The following TESK2 variants were observed in gnomAD, a reference collection of about 807,000 sequenced individuals.
TESK2 encodes dual specificity testis-specific protein kinase 2.
Under a neutral mutation model 57.1 loss-of-function variants are expected in TESK2, and 39 were observed. That is an observed-to-expected ratio of 0.68 (90% CI 0.53 to 0.89). TESK2 has a LOEUF of 0.89. Among genes scored for constraint, TESK2 ranks in the 40% least tolerant of loss-of-function variants. The pLI is 0.00. For synonymous variants in TESK2, 249 were observed against 267.9 expected (o/e 0.93, Z 0.69); for missense variants, 646 against 732.1 (o/e 0.88, Z 1.36).
Position 45,457,840 on chromosome 1 carries a change from T to C in TESK2, c.-55A>G. On this transcript the variant is annotated 5_prime_UTR_variant, in exon 2 of 11. Transcript: ENST00000372086. ...AAGAAGGAACTCCACACATAAATTT[T>C]TGTTGAATTTTACTTCTCTTCTGGT... 5 of 1,516,298 alleles carry C rather than the reference T, an allele frequency of 3.3e-6. No individual in the cohort carries two copies. The highest frequency in any genetic ancestry group is 1.2e-5 in the South Asian group (1 of 86,214). The allele number at this position is 1,516,298 out of a possible 1,614,324, so 93.9% of individuals were successfully genotyped here.
chr1:45,384,341 AT>A lies in TESK2; in HGVS notation c.393+1570del, dbSNP rs112806836. Among the ~76,000 whole-genome samples the A allele has an allele frequency of 4.0e-4, 60 of 151,150 alleles. No individual in the cohort carries two copies. The East Asian group carries it at 0.01, about 26-fold the overall frequency. ...TCTCACTCTATGTATGTATGTATGT[AT>A]GTATGTATGTATGTACGTACGTATC... On this transcript the variant is annotated intron_variant, in intron 4 of 10. Transcript: ENST00000372086.
chr1:45,345,553 A>G lies in TESK2; in HGVS notation c.1003T>C (p.Leu335=). ...CGCTTCACCCCAGGTGCTTTCTCCA[A>G]GAGTCCTGAAGAATAATCAAGTCTG... ...RKLQPTARGL[L]EKAPGVKRLS... The change falls in exon 11 of 11, where the codon TTG becomes CTG. Residue 335 remains leucine, a synonymous_variant. Transcript: ENST00000372086. 1.2e-6 allele frequency: 2 copies of G among 1,612,238 alleles called. No individual in the cohort carries two copies. Among genetic ancestry groups the G allele is most frequent in the South Asian group, 2.2e-5 (2 of 90,968 alleles).
intron 1 of TESK2, among the ~76,000 whole-genome samples, chr1:45,478,347 A>ATAG (rs1169190486): frequency 6.6e-5 from 10 of 152,178 alleles, no homozygotes; most frequent in African/African-American, 2.4e-4. Flanking sequence ...TAGTCATCAT[A>ATAG]TAGTATTTTA....
At chr1:45,355,656 T>C (rs1403924600) in intron 4 of TESK2, among the ~76,000 whole-genome samples, 1 of 152,110 alleles carries the variant, frequency 6.6e-6, no homozygotes, top group African/African-American at 2.4e-5. Flanking sequence ...AGGGACATAG[T>C]CAAACAATAT....
intron 2 of TESK2, among the ~76,000 whole-genome samples, chr1:45,433,810 A>G (rs1161622766): frequency 6.6e-6 from 1 of 152,092 alleles, no homozygotes; most frequent in East Asian, 1.9e-4. Context: ...CACTAATGAG[A>G]TTGCTGGATC....
intron 4 of TESK2, among the ~76,000 whole-genome samples, chr1:45,369,446 T>C (rs933358985): frequency 2.4e-4 from 37 of 151,868 alleles, no homozygotes; most frequent in African/African-American, 9.0e-4. Context: ...TTAGCCGAGA[T>C]TGCACCACTG....
intron 2 of TESK2, among the ~76,000 whole-genome samples, chr1:45,447,872 C>T (rs1333552338): frequency 6.6e-6 from 1 of 152,062 alleles, no homozygotes; most frequent in Non-Finnish European, 1.5e-5. Context: ...ATTTTATATG[C>T]AGTCCATCAT....
intron 5 of TESK2, among the ~76,000 whole-genome samples, chr1:45,354,498 C>A (rs1050905163): frequency 2.6e-5 from 4 of 151,736 alleles, no homozygotes; most frequent in African/African-American, 9.7e-5. Flanking sequence ...TGATGGCAGG[C>A]GTCTGTAATC....
At chr1:45,377,017 C>T (rs942177065) in intron 4 of TESK2, among the ~76,000 whole-genome samples, 6 of 151,948 alleles carry the variant, frequency 3.9e-5, no homozygotes, top group Non-Finnish European at 8.8e-5. Flanking sequence ...GTCAGGAGTT[C>T]GAGACCAGCC....
intron 1 of TESK2, among the ~76,000 whole-genome samples, chr1:45,480,285 C>T (rs1001405912): frequency 4.6e-5 from 7 of 151,212 alleles, no homozygotes; most frequent in African/African-American, 1.7e-4. Flanking sequence ...AGGGTGAAAC[C>T]CCATCTCTAT....
intron 10 of TESK2, 119 bp downstream of exon 10, chr1:45,345,758 T>C: frequency 1.1e-6 from 1 of 935,364 alleles, no homozygotes; most frequent in Non-Finnish European, 1.7e-6. Flanking sequence ...ATCATCTCCT[T>C]CCCCTCCCAT....
chr1:45,432,979 G>A (rs982612066), intron 2 of TESK2, among the ~76,000 whole-genome samples: 1 of 150,194 alleles, frequency 6.7e-6, no homozygotes, highest in Non-Finnish European at 1.5e-5. Flanking sequence ...GCCCAGGCTG[G>A]TCTCAAACTC....
rs1386290670 is a variant in TESK2 at position 45,344,571 on chromosome 1, A to T, written c.*269T>A. 1 of 439,130 alleles carries T rather than the reference A, an allele frequency of 2.3e-6. No individual in the cohort carries two copies. Among genetic ancestry groups the T allele is most frequent in the Non-Finnish European group, 4.1e-6 (1 of 241,320 alleles). 27.2% of individuals were successfully genotyped at this position (439,130 alleles called of 1,614,324 possible). ...GACATCCTCTGGTCCTATCTGGGGA[A>T]GTACACTGGAGAGGGTCTGGTGGGA... On this transcript the variant is annotated 3_prime_UTR_variant, in exon 11 of 11. Transcript: ENST00000372086.
intron 4 of TESK2, among the ~76,000 whole-genome samples, chr1:45,360,133 A>G (rs1377566836): frequency 3.3e-5 from 5 of 152,168 alleles, no homozygotes; most frequent in Non-Finnish European, 5.9e-5. Flanking sequence ...AAAATAAGGC[A>G]TAATGACGGC....
At chr1:45,473,762 G>C (rs1014337672) in intron 1 of TESK2, among the ~76,000 whole-genome samples, 9 of 151,118 alleles carry the variant, frequency 6.0e-5, no homozygotes, top group South Asian at 2.1e-4. Flanking sequence ...GCTAGATCCT[G>C]ATTTGAACAA....
In TESK2 at chr1:45,466,269, G is replaced by T. The variant is rs189280442; in HGVS notation, c.-86-8398C>A. Among the ~76,000 whole-genome samples, 161 of 152,284 alleles carry T rather than the reference G, an allele frequency of 1.1e-3. 1 individual carries two copies. The highest frequency in any genetic ancestry group is 3.7e-3 in the African/African-American group (152 of 41,552). On this transcript the variant is annotated intron_variant, in intron 1 of 10. Coordinates refer to ENST00000372086, the MANE Select transcript of TESK2 (RefSeq NM_007170.3). ...AGGCAGGCAGATCACAAGGTCAAGAGATCGAGACCATCCTGGCCAACATGG... is the reference window on the plus strand; with the variant it reads ...AGGCAGGCAGATCACAAGGTCAAGATATCGAGACCATCCTGGCCAACATGG...
At chr1:45,449,649 T>C (rs1365813316) in intron 2 of TESK2, among the ~76,000 whole-genome samples, 2 of 152,166 alleles carry the variant, frequency 1.3e-5, no homozygotes, top group East Asian at 3.9e-4. Context: ...AGGTGTTTCT[T>C]TAACCACTGA....
chr1:45,470,353 G>A (rs1652711838), intron 1 of TESK2, among the ~76,000 whole-genome samples: 1 of 152,114 alleles, frequency 6.6e-6, no homozygotes, highest in Admixed American at 6.6e-5. Flanking sequence ...GACCAACACA[G>A]CTAATACAGA....
chr1:45,345,172 C>T lies in TESK2; in HGVS notation c.1384G>A (p.Glu462Lys). 2 of 1,614,226 alleles carry T rather than the reference C, an allele frequency of 1.2e-6. No homozygotes were observed. Among genetic ancestry groups the T allele is most frequent in the Non-Finnish European group, 1.7e-6 (2 of 1,180,040 alleles). ...GGACAAGCCTCTTGATGCAAGAACT[C>T]AGGCGAACCAGGCAAGGAACGCCAC... ...RRWRSLPGSP[E>K]FLHQEACPFV... The change falls in exon 11 of 11, where the codon GAG becomes AAG. Residue 462 changes from glutamate (E) to lysine (K), a missense_variant. Coordinates refer to ENST00000372086, the MANE Select transcript of TESK2 (RefSeq NM_007170.3).
Sources: gnomAD v4.1 joint callset for allele counts (sites outside exome capture counted in the v4.1 genomes callset) on GRCh38, gnomAD v4.1.1 for gene constraint, MANE v1.5 for transcripts, NCBI Gene and HGNC (gene_info 2026-07-23, HGNC 2026-07-21) for gene names.